STAU2: variants seen among roughly 807,000 people sequenced by gnomAD.
The protein encoded by STAU2 is staufen double-stranded RNA binding protein 2.
A neutral mutation model predicts 65.9 loss-of-function variants in STAU2; 20 were observed. The observed-to-expected ratio is 0.30, with a 90% CI of 0.21 to 0.44. The LOEUF (loss-of-function observed/expected upper bound fraction) is 0.44. Ranked by LOEUF, STAU2 falls within the 20% of genes least tolerant of loss-of-function variation. The pLI is 1.00. For missense variants in STAU2, 558 were observed against 683.9 expected, an observed-to-expected ratio of 0.82 and a Z score of 2.05; for synonymous variants, 232 against 233.9, an observed-to-expected ratio of 0.99 and a Z score of 0.07.
At chr8:73,583,651 C>T (rs868384357) in intron 11 of STAU2, among the ~76,000 whole-genome samples, 1 of 150,624 alleles carries the variant, frequency 6.6e-6, no homozygotes, top group South Asian at 2.1e-4. Context: ...ACAAAAAATA[C>T]AAATATAAAA....
chr8:73,588,575 T>G (rs1810543677), intron 11 of STAU2, among the ~76,000 whole-genome samples: 1 of 151,998 alleles, frequency 6.6e-6, no homozygotes, highest in Non-Finnish European at 1.5e-5. Flanking sequence ...AACAAAAAAT[T>G]TAAGCCACCG....
chr8:73,717,885 T>TA (rs986078312), intron 3 of STAU2, among the ~76,000 whole-genome samples: 2 of 152,226 alleles, frequency 1.3e-5, no homozygotes, highest in African/African-American at 2.4e-5. Flanking sequence ...ACATGAATTT[T>TA]AGAATCACCC....
intron 1 of STAU2, among the ~76,000 whole-genome samples, chr8:73,741,406 G>T (rs566708053): frequency 6.6e-6 from 1 of 151,952 alleles, no homozygotes; most frequent in Non-Finnish European, 1.5e-5. Context: ...CTTATCTACA[G>T]ATCTCTATGT....
chr8:73,621,096 G>A (rs1813194043), intron 6 of STAU2, among the ~76,000 whole-genome samples: 1 of 152,110 alleles, frequency 6.6e-6, no homozygotes, highest in Non-Finnish European at 1.5e-5. Flanking sequence ...CTTTTAGTAA[G>A]GTATTTGATA....
intron 12 of STAU2, among the ~76,000 whole-genome samples, chr8:73,565,618 C>T (rs1808548462): frequency 6.6e-6 from 1 of 152,140 alleles, no homozygotes. Context: ...ACAATTTTCA[C>T]TTTGCAAACA....
intron 12 of STAU2, among the ~76,000 whole-genome samples, chr8:73,565,930 TTAAG>T (rs1323603032): frequency 6.6e-6 from 1 of 152,240 alleles, no homozygotes; most frequent in African/African-American, 2.4e-5. Context: ...ATCAATGATG[TTAAG>T]TAAGAACTTA....
intron 13 of STAU2, chr8:73,549,604 G>T: frequency 1.0e-6 from 1 of 977,320 alleles, no homozygotes; most frequent in Non-Finnish European, 1.2e-6. Context: ...AAACAACTTT[G>T]TTTTCAATAC....
chr8:73,699,688 G>A (rs1387496968), intron 4 of STAU2, among the ~76,000 whole-genome samples: 1 of 151,832 alleles, frequency 6.6e-6, no homozygotes, highest in East Asian at 1.9e-4. Context: ...AAGCTTCCCA[G>A]TAAAGAAAAG....
At chr8:73,603,471 T>A (rs1367248839) in intron 10 of STAU2, among the ~76,000 whole-genome samples, 1 of 152,234 alleles carries the variant, frequency 6.6e-6, no homozygotes, top group Non-Finnish European at 1.5e-5. Flanking sequence ...AAGATAGGCA[T>A]TAAATGATAA....
At chr8:73,434,373 G>GA (rs1198567402) in intron 13 of STAU2, among the ~76,000 whole-genome samples, 1 of 151,868 alleles carries the variant, frequency 6.6e-6, no homozygotes, top group Non-Finnish European at 1.5e-5. Context: ...CTGGCCTACA[G>GA]AATTCCAAGA....
rs558661245 is a variant in STAU2 at position 73,444,234 on chromosome 8, C to T, written c.1531-21532G>A. On this transcript the variant is annotated intron_variant, in intron 13 of 14. Transcript: ENST00000524300. ...CCAGCCTGACCAACATGGAGAAACC[C>T]CGTCTCTATTAAAAATACAAAATTA... 3.3e-3 allele frequency among the ~76,000 whole-genome samples: 500 copies of T among 152,036 alleles called. 5 individuals are homozygous for T. The highest frequency in any genetic ancestry group is 0.011 in the African/African-American group (469 of 41,424).
chr8:73,596,044 A>G (rs4292677), intron 10 of STAU2, among the ~76,000 whole-genome samples: 150,143 of 151,974 alleles, frequency 0.99, 74,166 homozygotes, highest in East Asian at 1. Flanking sequence ...CCCAGTAAGT[A>G]GAGGTTGCAG....
At chr8:73,440,103 T>C (rs1818027116) in intron 13 of STAU2, 1 of 152,306 alleles carries the variant, frequency 6.6e-6, no homozygotes, top group Admixed American at 6.5e-5. Context: ...TGGAAACCGC[T>C]GCCATCTTGC....
intron 3 of STAU2, among the ~76,000 whole-genome samples, chr8:73,725,865 C>A (rs117359102): frequency 1.3e-5 from 2 of 152,028 alleles, no homozygotes; most frequent in African/African-American, 4.8e-5. Flanking sequence ...CCTGGGAGGT[C>A]GAGGCTGCAG....
At chr8:73,562,566 T>C (rs1447230110) in intron 12 of STAU2, among the ~76,000 whole-genome samples, 1 of 152,262 alleles carries the variant, frequency 6.6e-6, no homozygotes, top group Non-Finnish European at 1.5e-5. Context: ...ACTTGGCTAT[T>C]TTCACAATTT....
chr8:73,654,593 T>C lies in STAU2; in HGVS notation c.410+18514A>G, dbSNP rs561536300. 2.0e-4 allele frequency among the ~76,000 whole-genome samples: 24 copies of C among 117,682 alleles called. No individual in the cohort carries two copies. The South Asian group carries it at 6.3e-3, about 31-fold the overall frequency. The allele number at this position is 117,682 out of a possible 152,430, so 77.2% of individuals were successfully genotyped here. ...AGGTCATGGCTGCACTGAGCCGTGA[T>C]CATGCCACTGTACTCCAGCCTAGAT... On this transcript the variant is annotated intron_variant, in intron 6 of 14. Transcript: ENST00000524300.
rs1005617699 is a variant in STAU2, at chr8:73,420,506, C to A, written c.*866G>T. The A allele has an allele frequency of 2.1e-4, 51 of 243,130 alleles. No individual in the cohort carries two copies. The highest frequency in any genetic ancestry group is 3.8e-4 in the South Asian group (7 of 18,442). The allele number at this position is 243,130 out of a possible 1,614,324, so 15.1% of individuals were successfully genotyped here. A position where few individuals can be genotyped will look rare whatever the true frequency, so the allele number is the denominator to read the frequency against. Reference sequence around the variant, plus strand: ...GTCATGTACATTATTTATTTTTGATCCTACTCACTGTCCCAAGTCCAGAGG... The same window carrying A: ...GTCATGTACATTATTTATTTTTGATACTACTCACTGTCCCAAGTCCAGAGG... On this transcript the variant is annotated 3_prime_UTR_variant, in exon 15 of 15. Transcript: ENST00000524300.
At chr8:73,548,140 T>C (rs1399912964) in intron 13 of STAU2, among the ~76,000 whole-genome samples, 1 of 152,000 alleles carries the variant, frequency 6.6e-6, no homozygotes, top group Admixed American at 6.6e-5. Flanking sequence ...ACAACTATAT[T>C]CCTAAATGTG....
intron 13 of STAU2, among the ~76,000 whole-genome samples, chr8:73,496,928 T>C (rs1347727709): frequency 6.6e-6 from 1 of 151,736 alleles, no homozygotes; most frequent in African/African-American, 2.4e-5. Flanking sequence ...CCTTTCAGTT[T>C]TATAATTTTT....
Sources: allele counts gnomAD v4.1 joint callset (sites outside exome capture counted in the v4.1 genomes callset), GRCh38; gene constraint gnomAD v4.1.1; transcripts MANE v1.5; gene names NCBI Gene and HGNC (gene_info 2026-07-23, HGNC 2026-07-21).